The following SCARB1 variants were observed in gnomAD, a reference collection of about 807,000 sequenced individuals.
SCARB1 encodes the protein CD36 and LIMPII analogous 1.
A neutral mutation model predicts 57.2 loss-of-function variants in SCARB1; 30 were observed. The ratio of observed to expected loss-of-function variants is 0.52; its 90% CI spans 0.39 to 0.71. SCARB1 has a LOEUF of 0.71. SCARB1 is among the 30% of genes least tolerant of loss of function. The pLI, the probability that SCARB1 is intolerant of heterozygous loss-of-function variation, is 0.00. For missense variants in SCARB1, 543 were observed against 671.2 expected, an observed-to-expected ratio of 0.81 and a Z score of 2.11; for synonymous variants, 249 against 268.3, an observed-to-expected ratio of 0.93 and a Z score of 0.70.
chr12:124,786,707 T>G (rs540095033), intron 10 of SCARB1, among the ~76,000 whole-genome samples: 76 of 152,358 alleles, frequency 5.0e-4, no homozygotes, highest in African/African-American at 1.8e-3. Flanking sequence ...CCCTTGCAGT[T>G]GGGCAGGGCC....
intron 1 of SCARB1, among the ~76,000 whole-genome samples, chr12:124,848,542 G>GCA (rs1952255564): frequency 6.6e-6 from 1 of 152,370 alleles, no homozygotes; most frequent in Non-Finnish European, 1.5e-5. Flanking sequence ...TCCTTAGGAT[G>GCA]CACCCAAAAG....
At chr12:124,815,254 C>T (rs966183682) in intron 2 of SCARB1, 140 bp from the exon 3 acceptor site, 126 of 967,048 alleles carry the variant, frequency 1.3e-4, no homozygotes, top group Non-Finnish European at 1.8e-4. Context: ...AAGCTGAGCT[C>T]GGCCCCTTCG....
intron 8 of SCARB1, 62 bp from the exon 9 acceptor site, chr12:124,795,330 C>G: frequency 1.5e-6 from 2 of 1,339,754 alleles, no homozygotes; most frequent in Non-Finnish European, 2.1e-6. Flanking sequence ...ACCGTCAACC[C>G]TCCTCTCCCT....
chr12:124,828,814 A>G (rs1951271214), intron 1 of SCARB1, among the ~76,000 whole-genome samples: 1 of 152,172 alleles, frequency 6.6e-6, no homozygotes, highest in Non-Finnish European at 1.5e-5. Flanking sequence ...TCCTCCTCCT[A>G]TGAGAAGAGA....
intron 1 of SCARB1, among the ~76,000 whole-genome samples, chr12:124,863,129 GT>G (rs1952969795): frequency 6.6e-6 from 1 of 152,184 alleles, no homozygotes; most frequent in African/African-American, 2.4e-5. Context: ...CTCACAGAAG[GT>G]TCCTGTCCTC....
In SCARB1 at chr12:124,815,087, G is replaced by A; in HGVS notation, c.312C>T (p.Thr104=). 1 of 1,614,022 alleles carries A rather than the reference G, an allele frequency of 6.2e-7. No individual in the cohort carries two copies. The highest frequency in any genetic ancestry group is 8.5e-7 in the Non-Finnish European group (1 of 1,180,032). The change falls in exon 3 of 13, where the codon ACC becomes ACT. Residue 104 remains threonine (T), a synonymous_variant. Transcript: ENST00000261693. The stretch of plus-strand genomic sequence containing the variant: ...AGGACACGGTGTCGTTGTTGTTGAA[G>A]GTGATGTTGCTTTTGTGCCTGAACT... The part of the protein sequence containing the change: ...YREFRHKSNI[T]FNNNDTVSFL...
At chr12:124,819,101 CT>C (rs1464207543) in intron 1 of SCARB1, among the ~76,000 whole-genome samples, 1 of 150,880 alleles carries the variant, frequency 6.6e-6, no homozygotes, top group African/African-American at 2.4e-5. Context: ...GTACTCCAGC[CT>C]GGGTGTCCAA....
At position 124,800,012 on chromosome 12, in the gene SCARB1, G is replaced by T; in HGVS notation, c.1128+112C>A. The T allele has an allele frequency of 1.2e-6, 1 of 829,826 alleles. No homozygotes were observed. 51.4% of individuals were successfully genotyped at this position (829,826 alleles called of 1,614,324 possible). A position where few individuals can be genotyped will look rare whatever the true frequency, so the allele number is the denominator to read the frequency against. On this transcript the variant is annotated intron_variant, in intron 8 of 12. Coordinates refer to ENST00000261693, the MANE Select transcript of SCARB1 (RefSeq NM_005505.5). The surrounding 1 kb of genome is among the most constrained non-coding windows in gnomAD (Gnocchi z 4.8). The stretch of plus-strand genomic sequence containing the variant: ...TGGTGGCTCGAGATTCTAGAAGCCA[G>T]GCTTCCCACCACCCCAGCCCACAGC...
intron 1 of SCARB1, among the ~76,000 whole-genome samples, chr12:124,842,949 G>A (rs956974178): frequency 6.6e-6 from 1 of 152,192 alleles, no homozygotes; most frequent in Non-Finnish European, 1.5e-5. Flanking sequence ...CGTGTGCCAC[G>A]GACGGGAAGG....
At chr12:124,853,970 A>G (rs961766559) in intron 1 of SCARB1, among the ~76,000 whole-genome samples, 3 of 152,226 alleles carry the variant, frequency 2.0e-5, no homozygotes, top group Non-Finnish European at 4.4e-5. Context: ...ACCTGCGATT[A>G]TGTGCTAGGC....
chr12:124,777,333 CA>C lies in SCARB1; in HGVS notation c.*1253del, dbSNP rs1474249428. On this transcript the variant is annotated 3_prime_UTR_variant, in exon 13 of 13. Coordinates refer to ENST00000261693, the MANE Select transcript of SCARB1 (RefSeq NM_005505.5). The stretch of plus-strand genomic sequence containing the variant: ...GTAGATAAATGCACAGAAACACATC[CA>C]GGGGGCCCCATGCAAAAGTGGCAAA... The C allele has an allele frequency of 6.6e-6, 1 of 152,178 alleles. No individual in the cohort carries two copies. The highest frequency in any genetic ancestry group is 1.5e-5 in the Non-Finnish European group (1 of 68,034). The allele number at this position is 152,178 out of a possible 1,614,324, so 9.4% of individuals were successfully genotyped here.
At chr12:124,834,762 G>A (rs1951561838) in intron 1 of SCARB1, among the ~76,000 whole-genome samples, 1 of 152,118 alleles carries the variant, frequency 6.6e-6, no homozygotes, top group Admixed American at 6.6e-5. Flanking sequence ...TTTTACAATA[G>A]CCAGGCATGG....
rs543469792 is a variant in SCARB1 at position 124,786,224 on chromosome 12, G to A, written c.1401+133C>T. ...CCCCAGCAGTGACCGCTCCCACTCC[G>A]GCAGAGACGCAGGACTGCTGCTGGA... is the stretch of plus-strand genomic sequence containing the variant. On this transcript the variant is annotated intron_variant, in intron 11 of 12. Transcript: ENST00000261693. 62 of 1,598,298 alleles carry A rather than the reference G, an allele frequency of 3.9e-5. No homozygotes were observed. The East Asian group carries it at 5.1e-4, about 13-fold the overall frequency.
rs202218916 is a variant in SCARB1, at chr12:124,863,725, G to A, written c.-5C>T. 260 of 1,483,982 alleles carry A rather than the reference G, an allele frequency of 1.8e-4. 1 individual carries two copies. In the African/African-American group the frequency reaches 3.1e-3, roughly 18 times the overall value. The allele number at this position is 1,483,982 out of a possible 1,614,324, so 91.9% of individuals were successfully genotyped here. On this transcript the variant is annotated 5_prime_UTR_variant, in exon 1 of 13. Coordinates refer to ENST00000261693, the MANE Select transcript of SCARB1 (RefSeq NM_005505.5). ...CGCTTTGGCGGAGCAGCCCATGTCT[G>A]CGCGCCTGGGGCCCACCCGCGGCTC...
rs547457707 is a variant in SCARB1 at position 124,793,625 on chromosome 12, G to A, written c.1202+1570C>T. On this transcript the variant is annotated intron_variant, in intron 9 of 12. Transcript: ENST00000261693. ...GGAGAATGGCGTGAACCCAGGAGGC[G>A]GAGCTTGCAGTGAGCCGAGATCGCG... Among the ~76,000 whole-genome samples the A allele has an allele frequency of 1.1e-4, 16 of 150,710 alleles. No homozygotes were observed. In the South Asian group the frequency reaches 1.9e-3, roughly 18 times the overall value.
intron 9 of SCARB1, among the ~76,000 whole-genome samples, chr12:124,793,809 G>A (rs958561184): frequency 1.3e-5 from 2 of 152,088 alleles, no homozygotes; most frequent in Non-Finnish European, 2.9e-5. Flanking sequence ...CCACCCCTCG[G>A]TACATACCTA....
intron 11 of SCARB1, chr12:124,783,050 G>T: frequency 2.0e-6 from 1 of 500,652 alleles, no homozygotes; most frequent in South Asian, 2.3e-5. Context: ...AAAAGGGCTC[G>T]TCCACTTGAA....
chr12:124,813,117 C>G (rs1009532547), intron 4 of SCARB1, among the ~76,000 whole-genome samples: 1 of 152,132 alleles, frequency 6.6e-6, no homozygotes, highest in Non-Finnish European at 1.5e-5. Flanking sequence ...ATCAGCACAC[C>G]CAGCTAAAAG....
rs77550216 is a variant in SCARB1 at position 124,814,598 on chromosome 12, C to T, written c.427-193G>A. Among the ~76,000 whole-genome samples, 543 of 152,294 alleles carry T rather than the reference C, an allele frequency of 3.6e-3. 15 individuals are homozygous for T. In the South Asian group the frequency reaches 0.05, roughly 14 times the overall value. ...TCCTCCAGTGCCAAGGCCACATGTG[C>T]TCCCGAGAACCCCTTCTCCCCCTTG... is the stretch of plus-strand genomic sequence containing the variant. On this transcript the variant is annotated intron_variant, in intron 3 of 12. Transcript: ENST00000261693. This position sits in a 1 kb window ranked among gnomAD's most constrained non-coding sequence, Gnocchi z 4.7.
Sources: gnomAD v4.1 joint callset for allele counts (sites outside exome capture counted in the v4.1 genomes callset) on GRCh38, gnomAD v4.1.1 for gene constraint, Gnocchi (gnomAD v3.1) non-coding constraint, MANE v1.5 for transcripts, NCBI Gene and HGNC (gene_info 2026-07-23, HGNC 2026-07-21) for gene names.